CFAP46: variants seen among roughly 807,000 people sequenced by gnomAD.
CFAP46 encodes the protein cilia and flagella associated protein 46.
CFAP46 carries 245 observed loss-of-function variants against 325.7 expected under a neutral mutation model. The observed-to-expected ratio is 0.75, with a 90% CI of 0.68 to 0.84. The LOEUF is 0.84. Among genes scored for constraint, CFAP46 ranks in the 40% least tolerant of loss-of-function variants. CFAP46 has a pLI of 0.00. For synonymous variants in CFAP46, 1,523 were observed against 1,495.9 expected (o/e 1.02, Z -0.42); for missense variants, 3,346 against 3,543.0 (o/e 0.94, Z 1.41).
chr10:132,926,227 C>T (rs911753401), intron 10 of CFAP46, among the ~76,000 whole-genome samples: 4 of 152,144 alleles, frequency 2.6e-5, no homozygotes, highest in African/African-American at 9.7e-5. Context: ...CCTCATGGGA[C>T]GCGTGGCCGT....
intron 11 of CFAP46, among the ~76,000 whole-genome samples, chr10:132,923,383 C>T (rs58735354): frequency 2.6e-5 from 3 of 116,112 alleles, no homozygotes; most frequent in Non-Finnish European, 5.2e-5. Flanking sequence ...CCCCTGGCCT[C>T]GAGCAGCCCA....
intron 39 of CFAP46, among the ~76,000 whole-genome samples, chr10:132,853,594 T>A (rs1848594489): frequency 6.7e-6 from 1 of 149,690 alleles, no homozygotes; most frequent in African/African-American, 2.5e-5. Flanking sequence ...GAACTCGTAT[T>A]ATTTTTTCTT....
At chr10:132,853,974 TTTCTC>T (rs140931720) in intron 39 of CFAP46, among the ~76,000 whole-genome samples, 264 of 152,300 alleles carry the variant, frequency 1.7e-3, no homozygotes, top group African/African-American at 6.3e-3. Flanking sequence ...TTTCATTACT[TTTCTC>T]TTTTATTTTT....
chr10:132,879,638 C>G lies in CFAP46; in HGVS notation c.3800-7G>C. On this transcript the variant is annotated splice_polypyrimidine_tract_variant and splice_region_variant and intron_variant, in intron 28 of 57. Coordinates refer to ENST00000368586, the MANE Select transcript of CFAP46 (RefSeq NM_001200049.3). ...TCCACAGCCACGTACTCCCCTGAAA[C>G]ACGGGGTGCCCGAGGCTGAGAGCAG... The G allele has an allele frequency of 6.6e-7, 1 of 1,507,060 alleles. No homozygotes were observed. Among genetic ancestry groups the G allele is most frequent in the South Asian group, 1.3e-5 (1 of 77,142 alleles). The allele number at this position is 1,507,060 out of a possible 1,614,324, so 93.4% of individuals were successfully genotyped here.
chr10:132,909,912 C>G lies in CFAP46; in HGVS notation c.2649+7G>C. 1.4e-6 allele frequency: 2 copies of G among 1,440,436 alleles called. No individual in the cohort carries two copies. The highest frequency in any genetic ancestry group is 2.8e-5 in the Admixed American group (1 of 36,328). 89.2% of individuals were successfully genotyped at this position (1,440,436 alleles called of 1,614,324 possible). ...GTCAGAGCCCAGATGTGGGCAGGGG[C>G]GCCCACCTGCTCCTCGGTGCCCAGC... On this transcript the variant is annotated splice_region_variant and intron_variant, in intron 20 of 57. Transcript: ENST00000368586.
Position 132,877,086 on chromosome 10 carries a change from C to G in CFAP46, c.4213-125G>C, listed in dbSNP as rs916326291. 3.3e-6 allele frequency: 3 copies of G among 906,880 alleles called. No individual in the cohort carries two copies. In the African/African-American group the frequency reaches 5.1e-5, roughly 15 times the overall value. 56.2% of individuals were successfully genotyped at this position (906,880 alleles called of 1,614,324 possible). On this transcript the variant is annotated intron_variant, in intron 30 of 57. Transcript: ENST00000368586. This position sits in a 1 kb window ranked among gnomAD's most constrained non-coding sequence, Gnocchi z 5.7. The stretch of plus-strand genomic sequence containing the variant: ...CCTGGGCAGCCGGCATCCTCCCCAC[C>G]ACCAGGTCCCAGCGAGTGCCCAGAT...
intron 54 of CFAP46, 83 bp downstream of exon 54, chr10:132,814,069 G>A (rs1490927919): frequency 9.5e-7 from 1 of 1,047,262 alleles, no homozygotes; most frequent in African/African-American, 1.6e-5. Flanking sequence ...GACCCAGGGA[G>A]CCGGGGGTAG....
At chr10:132,917,785 C>G (rs1463579943) in intron 16 of CFAP46, among the ~76,000 whole-genome samples, 1 of 152,166 alleles carries the variant, frequency 6.6e-6, no homozygotes, top group East Asian at 1.9e-4. Context: ...GGTTAACAGG[C>G]CACGTGGACA....
At chr10:132,878,210 G>A in intron 29 of CFAP46, 123 bp from the exon 30 acceptor site, 1 of 890,134 alleles carries the variant, frequency 1.1e-6, no homozygotes, top group Non-Finnish European at 1.7e-6. Flanking sequence ...TAGTGCTCTG[G>A]TGGTCTTGCG....
In CFAP46 at chr10:132,877,416, T is replaced by C. The variant is rs1848971781; in HGVS notation, c.4213-455A>G. Among the ~76,000 whole-genome samples the C allele has an allele frequency of 6.6e-6, 1 of 152,118 alleles. No individual in the cohort carries two copies. On this transcript the variant is annotated intron_variant, in intron 30 of 57. Coordinates refer to ENST00000368586, the MANE Select transcript of CFAP46 (RefSeq NM_001200049.3). The surrounding 1 kb of genome is among the most constrained non-coding windows in gnomAD (Gnocchi z 5.7). ...CCTGCCCAGCACTTTGAGAAGTGGA[T>C]ACTTGCAGAGAGAAAGGTTTCATGA...
intron 39 of CFAP46, among the ~76,000 whole-genome samples, chr10:132,852,567 T>G (rs1256582466): frequency 6.6e-6 from 1 of 152,204 alleles, no homozygotes; most frequent in Admixed American, 6.5e-5. Flanking sequence ...GGTATGTTTC[T>G]CTATTTACTT....
In CFAP46 at chr10:132,817,363, T is replaced by C. The variant is rs115636660; in HGVS notation, c.7118-2449A>G. On this transcript the variant is annotated intron_variant, in intron 50 of 57. Coordinates refer to ENST00000368586, the MANE Select transcript of CFAP46 (RefSeq NM_001200049.3). The surrounding 1 kb of genome is among the most constrained non-coding windows in gnomAD (Gnocchi z 4.4). ...GGTCATTTGTGACGGGCGTGCTTCC[T>C]GCAAAGGGCATGCGGCTGGCACCTC... is the stretch of plus-strand genomic sequence containing the variant. 3.4e-3 allele frequency among the ~76,000 whole-genome samples: 513 copies of C among 152,362 alleles called. 4 individuals carry two copies. The highest frequency in any genetic ancestry group is 0.012 in the African/African-American group (490 of 41,582).
At chr10:132,818,856 G>GAAAAAAAAA (rs560908251) in intron 50 of CFAP46, among the ~76,000 whole-genome samples, 1 of 84,738 alleles carries the variant, frequency 1.2e-5, no homozygotes, top group African/African-American at 4.3e-5. Flanking sequence ...TCCATCTCCA[G>GAAAAAAAAA]AAAAAAAAAA....
rs976252022 is a variant in CFAP46, at chr10:132,884,311, C to T, written c.3627+792G>A. On this transcript the variant is annotated intron_variant, in intron 27 of 57. Transcript: ENST00000368586. The surrounding 1 kb of genome is among the most constrained non-coding windows in gnomAD (Gnocchi z 5.4). ...GCCTTGATCACCCAGTGCCCTGAGC[C>T]GGCACTCACACAGCACCGTCAGAGA... Among the ~76,000 whole-genome samples the T allele has an allele frequency of 2.6e-5, 4 of 152,180 alleles. No individual in the cohort carries two copies. Among genetic ancestry groups the T allele is most frequent in the Non-Finnish European group, 4.4e-5 (3 of 68,038 alleles).
In CFAP46 at chr10:132,909,919, C is replaced by G. The variant is rs961340181; in HGVS notation, c.2649G>C (p.Gln883His). The part of the protein sequence containing the change: ...QIGPRLGTEE[Q>H]GTNEDVSSVT... ...CCCAGATGTGGGCAGGGGCGCCCAC[C>G]TGCTCCTCGGTGCCCAGCCGTGGCC... Residue 883 changes from glutamine to histidine, a missense_variant and splice_region_variant, in exon 20 of 58, where the codon CAG becomes CAC. Transcript: ENST00000368586. The G allele has an allele frequency of 6.9e-7, 1 of 1,452,868 alleles. No individual in the cohort carries two copies. The highest frequency in any genetic ancestry group is 9.1e-7 in the Non-Finnish European group (1 of 1,104,640). 90.0% of individuals were successfully genotyped at this position (1,452,868 alleles called of 1,614,324 possible). A position where few individuals can be genotyped will look rare whatever the true frequency, so the allele number is the denominator to read the frequency against.
chr10:132,931,848 C>A (rs375125544), intron 8 of CFAP46, among the ~76,000 whole-genome samples: 37 of 144,066 alleles, frequency 2.6e-4, no homozygotes, highest in Non-Finnish European at 5.2e-4. Flanking sequence ...GAGCCTGGGC[C>A]TCCTTACACT....
At chr10:132,858,258 G>A (rs1213154249) in intron 38 of CFAP46, among the ~76,000 whole-genome samples, 1 of 151,784 alleles carries the variant, frequency 6.6e-6, no homozygotes, top group Non-Finnish European at 1.5e-5. Flanking sequence ...CAGTGGGCAG[G>A]GCCAGGGAGG....
intron 24 of CFAP46, among the ~76,000 whole-genome samples, chr10:132,894,105 T>C (rs992318003): frequency 6.6e-6 from 1 of 152,262 alleles, no homozygotes; most frequent in African/African-American, 2.4e-5. Flanking sequence ...TGCAGCCCCC[T>C]GTGGATTTGC....
chr10:132,843,196 A>C (rs1013278924), intron 44 of CFAP46, among the ~76,000 whole-genome samples: 4 of 152,184 alleles, frequency 2.6e-5, no homozygotes, highest in African/African-American at 9.7e-5. Flanking sequence ...AGAGGACACT[A>C]TGTCCTGGAG....
Sources: gnomAD v4.1 joint callset for allele counts (sites outside exome capture counted in the v4.1 genomes callset) on GRCh38, gnomAD v4.1.1 for gene constraint, Gnocchi (gnomAD v3.1) non-coding constraint, MANE v1.5 for transcripts, NCBI Gene and HGNC (gene_info 2026-07-23, HGNC 2026-07-21) for gene names.